The following PACRG variants were observed in gnomAD, a reference collection of about 807,000 sequenced individuals.
PACRG encodes the protein parkin coregulated gene protein.
A neutral mutation model predicts 29.7 loss-of-function variants in PACRG; 29 were observed. That is an observed-to-expected ratio of 0.98 (90% confidence interval 0.73 to 1.33). The LOEUF is 1.33. PACRG is among the 40% of genes most tolerant of loss of function. PACRG has a pLI of 0.00. For missense variants in PACRG, 279 were observed against 316.2 expected (o/e 0.88, Z 0.89); for synonymous variants, 116 against 118.7 (o/e 0.98, Z 0.15).
At chr6:162,859,785 A>T (rs980944287) in intron 2 of PACRG, among the ~76,000 whole-genome samples, 1 of 152,106 alleles carries the variant, frequency 6.6e-6, no homozygotes, top group Non-Finnish European at 1.5e-5. Context: ...TCACATTTCT[A>T]TACAACTGTA....
At chr6:162,880,994 C>A (rs1279304207) in intron 2 of PACRG, among the ~76,000 whole-genome samples, 1 of 152,204 alleles carries the variant, frequency 6.6e-6, no homozygotes, top group African/African-American at 2.4e-5. Flanking sequence ...TACAGAAAGA[C>A]ACAGATCGTC....
chr6:163,235,641 A>G (rs190223459), intron 4 of PACRG, among the ~76,000 whole-genome samples: 19 of 152,336 alleles, frequency 1.2e-4, no homozygotes, highest in Admixed American at 1.1e-3. Flanking sequence ...CCAGCACCTA[A>G]GAGAAATTAT....
chr6:162,769,635 T>C (rs1783061659), intron 1 of PACRG, among the ~76,000 whole-genome samples: 2 of 152,104 alleles, frequency 1.3e-5, no homozygotes, highest in Admixed American at 1.3e-4. Context: ...AAACAAATGT[T>C]GGTATAATAT....
At chr6:162,739,392 G>A (rs545433117) in intron 1 of PACRG, among the ~76,000 whole-genome samples, 1 of 152,120 alleles carries the variant, frequency 6.6e-6, no homozygotes, top group Admixed American at 6.5e-5. Context: ...ACATACTCTA[G>A]ATATGGATAT....
chr6:163,127,529 TATTGTTAA>T (rs1816566581), intron 4 of PACRG, among the ~76,000 whole-genome samples: 1 of 152,202 alleles, frequency 6.6e-6, no homozygotes, highest in Non-Finnish European at 1.5e-5. Context: ...TCACATTCAC[TATTGTTAA>T]ATAAGAATCT....
chr6:163,093,939 C>T (rs1814340704), intron 4 of PACRG, among the ~76,000 whole-genome samples: 1 of 152,174 alleles, frequency 6.6e-6, no homozygotes, highest in African/African-American at 2.4e-5. Flanking sequence ...AGGTCTTTGA[C>T]CTGTAATTTA....
intron 2 of PACRG, among the ~76,000 whole-genome samples, chr6:162,933,815 G>A (rs1056284603): frequency 6.6e-6 from 1 of 152,044 alleles, no homozygotes; most frequent in Non-Finnish European, 1.5e-5. Flanking sequence ...TTCAGGATTG[G>A]ATTTCTGGCA....
chr6:162,801,792 ATAAT>A (rs1283518496), intron 1 of PACRG, among the ~76,000 whole-genome samples: 4 of 152,132 alleles, frequency 2.6e-5, no homozygotes, highest in Admixed American at 1.3e-4. Context: ...GATTGTAGTA[ATAAT>A]TAATAACTAC....
intron 4 of PACRG, among the ~76,000 whole-genome samples, chr6:163,298,985 C>T (rs1455519643): frequency 2.0e-5 from 3 of 152,180 alleles, no homozygotes; most frequent in African/African-American, 4.8e-5. Context: ...ATCACCTTTC[C>T]GTTCCTTGCC....
rs1305994669 is a variant in PACRG at position 162,966,872 on chromosome 6, A to G, written c.292-95278A>G. Among the ~76,000 whole-genome samples, 3 of 152,204 alleles carry G rather than the reference A, an allele frequency of 2.0e-5. No homozygotes were observed. In the East Asian group the frequency reaches 5.8e-4, roughly 29 times the overall value. On this transcript the variant is annotated intron_variant, in intron 2 of 4. Coordinates refer to ENST00000366888, the MANE Select transcript of PACRG (RefSeq NM_001080379.2). ...AAGAAAACTGGTAAGCTAAATGACA[A>G]ATGGTACTTTATTGGAATATAGTCT...
At chr6:162,987,475 G>A (rs4279415) in intron 2 of PACRG, among the ~76,000 whole-genome samples, 53,732 of 151,898 alleles carry the variant, frequency 0.35, 10,358 homozygotes, top group East Asian at 0.68. Context: ...ATTGAATCAC[G>A]GGGGTGGGTT....
At chr6:163,266,899 C>A (rs927368330) in intron 4 of PACRG, among the ~76,000 whole-genome samples, 27 of 152,202 alleles carry the variant, frequency 1.8e-4, no homozygotes, top group African/African-American at 6.3e-4. Flanking sequence ...TGAGCACGTT[C>A]TTCCTTCCTG....
At chr6:163,300,842 T>TGCTGCTTCC (rs1784964369) in intron 4 of PACRG, among the ~76,000 whole-genome samples, 1 of 63,496 alleles carries the variant, frequency 1.6e-5, no homozygotes, top group African/African-American at 1.3e-4. Context: ...CTGCTTCCTC[T>TGCTGCTTCC]CGTGAGTTTA....
chr6:163,031,848 CA>C (rs1449796709), intron 2 of PACRG, among the ~76,000 whole-genome samples: 1 of 152,132 alleles, frequency 6.6e-6, no homozygotes. Flanking sequence ...TACCACAGGT[CA>C]GAAACCTTAT....
chr6:162,850,937 G>A (rs575451224), intron 2 of PACRG, among the ~76,000 whole-genome samples: 1 of 152,194 alleles, frequency 6.6e-6, no homozygotes, highest in Non-Finnish European at 1.5e-5. Flanking sequence ...CCAAGGGATC[G>A]GATGCCATCT....
At position 162,839,568 on chromosome 6, in the gene PACRG, C is replaced by G. The variant is rs1450665499; in HGVS notation, c.291+25287C>G. On this transcript the variant is annotated intron_variant, in intron 2 of 4. Transcript: ENST00000366888. Reference sequence around the variant, plus strand: ...TGCTTGTTCACTCTGATGGTAGTTTCTTTTGCTGTGCAGAAGCTCTTGAGT... The same window carrying G: ...TGCTTGTTCACTCTGATGGTAGTTTGTTTTGCTGTGCAGAAGCTCTTGAGT... Among the ~76,000 whole-genome samples the G allele has an allele frequency of 2.6e-5, 4 of 151,966 alleles. 1 individual carries two copies. Among genetic ancestry groups the G allele is most frequent in the Admixed American group, 2.6e-4 (4 of 15,258 alleles).
chr6:162,779,599 C>A (rs538929601), intron 1 of PACRG, among the ~76,000 whole-genome samples: 34 of 152,298 alleles, frequency 2.2e-4, no homozygotes, highest in African/African-American at 7.9e-4. Context: ...TTTAAACCAT[C>A]TAACAATGTT....
At chr6:162,969,564 C>T (rs543652828) in intron 2 of PACRG, among the ~76,000 whole-genome samples, 6 of 152,282 alleles carry the variant, frequency 3.9e-5, no homozygotes, top group African/African-American at 1.2e-4. Flanking sequence ...CAAGGACTTA[C>T]CATTGCACTT....
intron 4 of PACRG, among the ~76,000 whole-genome samples, chr6:163,156,075 G>A (rs905402338): frequency 2.0e-5 from 3 of 152,198 alleles, no homozygotes; most frequent in Admixed American, 1.3e-4. Context: ...CGCCGTGTGC[G>A]GAAAGCTGCC....
Sources: gnomAD v4.1 joint callset for allele counts (sites outside exome capture counted in the v4.1 genomes callset) on GRCh38, gnomAD v4.1.1 for gene constraint, MANE v1.5 for transcripts, NCBI Gene and HGNC (gene_info 2026-07-23, HGNC 2026-07-21) for gene names.